The following CDH13 variants were observed in gnomAD, a reference collection of about 807,000 sequenced individuals.
CDH13 encodes the protein cadherin 13.
Under a neutral mutation model 63.8 loss-of-function variants are expected in CDH13, and 24 were observed. The observed-to-expected ratio is 0.38, with a 90% CI of 0.27 to 0.53. CDH13 has a LOEUF of 0.53. CDH13 is among the 20% of genes least tolerant of loss of function. The pLI is 0.85. For synonymous variants in CDH13, 503 were observed against 355.3 expected (o/e 1.42, Z -4.67); for missense variants, 1,049 against 903.1 (o/e 1.16, Z -2.07).
At chr16:83,527,890 T>C (rs2151628534) in intron 7 of CDH13, among the ~76,000 whole-genome samples, 1 of 152,352 alleles carries the variant, frequency 6.6e-6, no homozygotes, top group Admixed American at 6.5e-5. Flanking sequence ...CACTTTAATG[T>C]TAATTTATTA....
At chr16:83,386,011 A>T (rs1172994000) in intron 6 of CDH13, among the ~76,000 whole-genome samples, 1 of 152,220 alleles carries the variant, frequency 6.6e-6, no homozygotes, top group Non-Finnish European at 1.5e-5. Flanking sequence ...ATTTGTAGCT[A>T]TGGGTGCTTG....
At chr16:83,674,756 C>G (rs936528113) in intron 9 of CDH13, among the ~76,000 whole-genome samples, 21 of 152,240 alleles carry the variant, frequency 1.4e-4, no homozygotes, top group Non-Finnish European at 2.9e-4. Context: ...TCGGCTTCGT[C>G]TTTAAAACCT....
At chr16:83,616,376 C>G (rs16961021) in intron 8 of CDH13, among the ~76,000 whole-genome samples, 3 of 151,722 alleles carry the variant, frequency 2.0e-5, no homozygotes, top group Non-Finnish European at 4.4e-5. Context: ...TGTGTTGATC[C>G]CCATCATCCC....
intron 6 of CDH13, among the ~76,000 whole-genome samples, chr16:83,364,925 A>C (rs2091230264): frequency 6.6e-6 from 1 of 152,148 alleles, no homozygotes; most frequent in Admixed American, 6.5e-5. Context: ...GGTAAGCGGC[A>C]AAAGGAGGGA....
At chr16:83,631,085 G>T (rs1463277894) in intron 8 of CDH13, among the ~76,000 whole-genome samples, 1 of 152,188 alleles carries the variant, frequency 6.6e-6, no homozygotes, top group Non-Finnish European at 1.5e-5. Context: ...CTCTTCCTCA[G>T]TTCTGCATTT....
At chr16:83,439,104 G>C (rs563115807) in intron 6 of CDH13, among the ~76,000 whole-genome samples, 2 of 152,254 alleles carry the variant, frequency 1.3e-5, no homozygotes, top group Admixed American at 1.3e-4. Flanking sequence ...TGTGATCTTG[G>C]AAAGTTACTT....
intron 4 of CDH13, among the ~76,000 whole-genome samples, chr16:83,206,672 C>G (rs528702523): frequency 6.6e-6 from 1 of 152,238 alleles, no homozygotes; most frequent in Non-Finnish European, 1.5e-5. Context: ...ACCACAGAGT[C>G]TAATCAGAGA....
At chr16:83,379,496 G>C (rs62042584) in intron 6 of CDH13, among the ~76,000 whole-genome samples, 19,297 of 152,162 alleles carry the variant, frequency 0.13, 1,321 homozygotes, top group African/African-American at 0.16. Context: ...CAGTGTTTTG[G>C]TGAGGTTGAT....
intron 3 of CDH13, among the ~76,000 whole-genome samples, chr16:83,082,177 G>A (rs902923959): frequency 6.6e-6 from 1 of 152,210 alleles, no homozygotes; most frequent in Non-Finnish European, 1.5e-5. Context: ...TAATTTGGAG[G>A]AGGACACAGA....
intron 1 of CDH13, among the ~76,000 whole-genome samples, chr16:82,696,981 T>C (rs1567637913): frequency 6.6e-6 from 1 of 152,168 alleles, no homozygotes; most frequent in South Asian, 2.1e-4. Flanking sequence ...TTAAGGTATT[T>C]ACACAAAATG....
intron 1 of CDH13, among the ~76,000 whole-genome samples, chr16:82,664,572 C>A (rs1050146997): frequency 5.9e-5 from 9 of 152,144 alleles, no homozygotes; most frequent in African/African-American, 2.2e-4. Context: ...GGCTGGGAGC[C>A]TTTACATTTG....
At chr16:83,331,465 T>A (rs2090478840) in intron 5 of CDH13, among the ~76,000 whole-genome samples, 2 of 152,214 alleles carry the variant, frequency 1.3e-5, no homozygotes, top group Non-Finnish European at 1.5e-5. Flanking sequence ...GTTGCATGTC[T>A]TAGAGTTTAA....
intron 1 of CDH13, among the ~76,000 whole-genome samples, chr16:82,811,250 G>C (rs569203118): frequency 6.6e-6 from 1 of 152,180 alleles, no homozygotes; most frequent in Non-Finnish European, 1.5e-5. Context: ...CACGGTGAGA[G>C]AATTTATATC....
intron 2 of CDH13, among the ~76,000 whole-genome samples, chr16:82,970,143 C>T (rs1020874919): frequency 6.6e-6 from 1 of 151,970 alleles, no homozygotes; most frequent in African/African-American, 2.4e-5. Context: ...GTGTTCTTAT[C>T]GTTCACCTCC....
chr16:83,051,820 G>C (rs1305371940), intron 3 of CDH13, among the ~76,000 whole-genome samples: 2 of 152,160 alleles, frequency 1.3e-5, no homozygotes, highest in Non-Finnish European at 2.9e-5. Flanking sequence ...AATCCCTGTA[G>C]GAAACAGACC....
intron 7 of CDH13, among the ~76,000 whole-genome samples, chr16:83,596,921 C>A (rs1477254155): frequency 6.6e-6 from 1 of 152,128 alleles, no homozygotes; most frequent in African/African-American, 2.4e-5. Context: ...ATTAGAATTG[C>A]TTTTAAAAGT....
At chr16:83,102,650 G>A (rs1375346301) in intron 3 of CDH13, among the ~76,000 whole-genome samples, 1 of 152,178 alleles carries the variant, frequency 6.6e-6, no homozygotes, top group Non-Finnish European at 1.5e-5. Flanking sequence ...GGCCACCCTG[G>A]GGGAGGGTGG....
intron 10 of CDH13, among the ~76,000 whole-genome samples, chr16:83,684,652 C>T (rs905753160): frequency 6.6e-6 from 1 of 152,214 alleles, no homozygotes; most frequent in Admixed American, 6.5e-5. Context: ...AACAATTCCA[C>T]AGCAGAGACT....
chr16:82,736,350 A>C (rs944828144), intron 1 of CDH13, among the ~76,000 whole-genome samples: 1 of 152,206 alleles, frequency 6.6e-6, no homozygotes, highest in Non-Finnish European at 1.5e-5. Context: ...GAAGAAAAAA[A>C]CAGAACTTCT....
Sources: allele counts gnomAD v4.1 joint callset (sites outside exome capture counted in the v4.1 genomes callset), GRCh38; gene constraint gnomAD v4.1.1; transcripts MANE v1.5; gene names NCBI Gene and HGNC (gene_info 2026-07-23, HGNC 2026-07-21).